Variants in PCDH15 observed in about 807,000 individuals in gnomAD.
The protein encoded by PCDH15 is protocadherin-15.
In PCDH15, 129 loss-of-function variants were observed where a neutral mutation model predicts 178.5. The observed-to-expected ratio is 0.72, with a 90% CI of 0.63 to 0.84. The LOEUF is 0.84. PCDH15 is among the 40% of genes least tolerant of loss of function. The probability of loss-of-function intolerance (pLI) is 0.00; values close to 1 mark genes in which losing one functional copy is unlikely to be tolerated. For synonymous variants in PCDH15, 800 were observed against 732.0 expected (o/e 1.09, Z -1.50); for missense variants, 2,230 against 2,099.9 (o/e 1.06, Z -1.21).
At chr10:54,873,303 T>C (rs910636521) in intron 3 of PCDH15, among the ~76,000 whole-genome samples, 1 of 151,952 alleles carries the variant, frequency 6.6e-6, no homozygotes, top group African/African-American at 2.4e-5. Context: ...ATCGATGAAG[T>C]CTACCTAAAT....
rs1408246399 is a variant in PCDH15 at position 53,804,620 on chromosome 10, A to C, written c.*1959T>G. ...CGCAGCCATGAAGCTGTATATAGAGAGAATATCAAGGGATGCTGACTGAGA... is the reference window on the plus strand; with the variant it reads ...CGCAGCCATGAAGCTGTATATAGAGCGAATATCAAGGGATGCTGACTGAGA... On this transcript the variant is annotated 3_prime_UTR_variant, in exon 38 of 38. Coordinates refer to ENST00000644397, the MANE Select transcript of PCDH15 (RefSeq NM_001384140.1). 2.0e-5 allele frequency: 3 copies of C among 152,088 alleles called. No individual in the cohort carries two copies. Among genetic ancestry groups the C allele is most frequent in the Non-Finnish European group, 4.4e-5 (3 of 67,952 alleles). 9.4% of individuals were successfully genotyped at this position (152,088 alleles called of 1,614,324 possible).
chr10:53,939,227 T>C (rs1156230974), intron 24 of PCDH15, among the ~76,000 whole-genome samples: 1 of 152,108 alleles, frequency 6.6e-6, no homozygotes, highest in Non-Finnish European at 1.5e-5. Context: ...TATGGTCAAT[T>C]ACATTTGGGA....
intron 2 of PCDH15, among the ~76,000 whole-genome samples, chr10:55,587,732 A>T (rs971262387): frequency 6.6e-6 from 1 of 152,198 alleles, no homozygotes; most frequent in African/African-American, 2.4e-5. Flanking sequence ...CTTTGAAAAG[A>T]TGCTTTCTTG....
chr10:54,837,666 T>C (rs1322217596), intron 3 of PCDH15, among the ~76,000 whole-genome samples: 1 of 152,064 alleles, frequency 6.6e-6, no homozygotes, highest in East Asian at 1.9e-4. Flanking sequence ...AGAGTGATGA[T>C]GTCAGCAAAA....
At chr10:55,615,023 A>G (rs1024819925) in intron 2 of PCDH15, among the ~76,000 whole-genome samples, 7 of 152,156 alleles carry the variant, frequency 4.6e-5, no homozygotes, top group African/African-American at 1.7e-4. Flanking sequence ...CATTCAGTAA[A>G]TGGTCATTAG....
chr10:53,898,180 G>A (rs560090309), intron 26 of PCDH15, among the ~76,000 whole-genome samples: 2 of 151,580 alleles, frequency 1.3e-5, no homozygotes, highest in African/African-American at 4.8e-5. Context: ...TGTTAGCCAG[G>A]ATGGTCTGGA....
chr10:55,553,616 T>G (rs901177757), intron 2 of PCDH15, among the ~76,000 whole-genome samples: 3 of 152,002 alleles, frequency 2.0e-5, no homozygotes, highest in Admixed American at 6.6e-5. Context: ...CAGCCTGAAT[T>G]TTTGTCCTCT....
At chr10:54,242,554 C>G (rs1270658614) in intron 8 of PCDH15, among the ~76,000 whole-genome samples, 2 of 151,956 alleles carry the variant, frequency 1.3e-5, no homozygotes, top group Non-Finnish European at 2.9e-5. Flanking sequence ...TTTTAAAATA[C>G]TTCTCACTTC....
intron 2 of PCDH15, among the ~76,000 whole-genome samples, chr10:55,362,639 C>A (rs1040037457): frequency 6.6e-6 from 1 of 151,922 alleles, no homozygotes; most frequent in Non-Finnish European, 1.5e-5. Context: ...CTTTTACATG[C>A]ACTCGTGTGT....
intron 16 of PCDH15, among the ~76,000 whole-genome samples, chr10:54,082,889 G>A (rs540025595): frequency 6.6e-6 from 1 of 151,724 alleles, no homozygotes; most frequent in Non-Finnish European, 1.5e-5. Context: ...ATATATAAAG[G>A]ATTACATAAC....
chr10:53,858,065 C>A (rs1416914132), intron 27 of PCDH15, among the ~76,000 whole-genome samples: 1 of 151,934 alleles, frequency 6.6e-6, no homozygotes, highest in Non-Finnish European at 1.5e-5. Flanking sequence ...TAATTAAATG[C>A]AGTCTGCCTT....
chr10:54,095,207 C>G (rs2094679820), intron 15 of PCDH15, among the ~76,000 whole-genome samples: 2 of 152,096 alleles, frequency 1.3e-5, no homozygotes, highest in South Asian at 4.1e-4. Context: ...ATAAAGCTTT[C>G]AATTCAGTAC....
intron 26 of PCDH15, among the ~76,000 whole-genome samples, chr10:53,871,810 A>G (rs970925702): frequency 2.0e-5 from 3 of 150,894 alleles, no homozygotes; most frequent in Admixed American, 6.6e-5. Flanking sequence ...CTGGAGTGCA[A>G]TGGCTCGATC....
chr10:54,521,569 A>G (rs2082868756), intron 3 of PCDH15, among the ~76,000 whole-genome samples: 1 of 152,146 alleles, frequency 6.6e-6, no homozygotes, highest in Non-Finnish European at 1.5e-5. Flanking sequence ...GATTTTTTAA[A>G]AGAGAATGTA....
At chr10:53,913,561 G>A (rs1450380443) in intron 25 of PCDH15, among the ~76,000 whole-genome samples, 3 of 138,454 alleles carry the variant, frequency 2.2e-5, no homozygotes, top group South Asian at 2.5e-4. Context: ...GTGAAATCCC[G>A]TCTCCACTAA....
At chr10:54,556,530 AT>A (rs2087289644) in intron 2 of PCDH15, among the ~76,000 whole-genome samples, 1 of 152,136 alleles carries the variant, frequency 6.6e-6, no homozygotes, top group Admixed American at 6.6e-5. Flanking sequence ...AAAATGCACT[AT>A]TTAGAACATG....
chr10:54,638,753 C>A (rs2134886806), intron 2 of PCDH15, among the ~76,000 whole-genome samples: 1 of 152,184 alleles, frequency 6.6e-6, no homozygotes, highest in East Asian at 1.9e-4. Flanking sequence ...ATTTGCAACA[C>A]AATTCACGAC....
chr10:54,932,963 C>T (rs978734597), intron 2 of PCDH15, among the ~76,000 whole-genome samples: 1 of 152,128 alleles, frequency 6.6e-6, no homozygotes, highest in Non-Finnish European at 1.5e-5. Flanking sequence ...TGGTTAAGTG[C>T]TCTATAAAGG....
intron 2 of PCDH15, among the ~76,000 whole-genome samples, chr10:54,902,908 TG>T (rs1954661394): frequency 6.6e-6 from 1 of 152,168 alleles, no homozygotes; most frequent in Non-Finnish European, 1.5e-5. Flanking sequence ...TCACTGTACT[TG>T]GGCAAGCTGC....
Sources: allele counts gnomAD v4.1 joint callset (sites outside exome capture counted in the v4.1 genomes callset), GRCh38; gene constraint gnomAD v4.1.1; transcripts MANE v1.5; gene names NCBI Gene and HGNC (gene_info 2026-07-23, HGNC 2026-07-21).